The following SCFD2 variants were observed in gnomAD, a reference collection of about 807,000 sequenced individuals.
SCFD2 encodes sec1 family domain-containing protein 2.
SCFD2 carries 54 observed loss-of-function variants against 58.9 expected under a neutral mutation model. That is an observed-to-expected ratio of 0.92 (90% CI 0.74 to 1.15). SCFD2 has a LOEUF of 1.15. SCFD2 is among the 50% of genes most tolerant of loss of function. The pLI, the probability that SCFD2 is intolerant of heterozygous loss-of-function variation, is 0.00. For synonymous variants in SCFD2, 321 were observed against 335.9 expected (o/e 0.96, Z 0.49); for missense variants, 805 against 836.6 (o/e 0.96, Z 0.47).
At chr4:53,258,161 T>C (rs1015394955) in intron 4 of SCFD2, among the ~76,000 whole-genome samples, 1 of 152,214 alleles carries the variant, frequency 6.6e-6, no homozygotes, top group Non-Finnish European at 1.5e-5. Flanking sequence ...GTTTTGTCAA[T>C]GACTTTTTTT....
chr4:52,937,055 T>C (rs1330763612), intron 5 of SCFD2, among the ~76,000 whole-genome samples: 1 of 152,224 alleles, frequency 6.6e-6, no homozygotes, highest in African/African-American at 2.4e-5. Context: ...TAGAGGTAAG[T>C]GCTTACAAGA....
At chr4:52,972,840 A>G (rs545094865) in intron 5 of SCFD2, among the ~76,000 whole-genome samples, 10 of 152,340 alleles carry the variant, frequency 6.6e-5, no homozygotes, top group Admixed American at 6.5e-4. Flanking sequence ...GTGCAATCAA[A>G]CTAGAACTCA....
At chr4:53,076,939 C>A (rs1294322959) in intron 5 of SCFD2, among the ~76,000 whole-genome samples, 2 of 152,172 alleles carry the variant, frequency 1.3e-5, no homozygotes, top group African/African-American at 4.8e-5. Flanking sequence ...ATATTGCTCA[C>A]TCAAAGTATG....
chr4:52,992,356 T>C (rs1008719303), intron 5 of SCFD2, among the ~76,000 whole-genome samples: 23 of 152,180 alleles, frequency 1.5e-4, no homozygotes, highest in Non-Finnish European at 2.9e-5. Flanking sequence ...TGGAGTGCAG[T>C]GGCGTGATCT....
At chr4:53,185,929 A>C (rs1727724027) in intron 4 of SCFD2, among the ~76,000 whole-genome samples, 1 of 152,146 alleles carries the variant, frequency 6.6e-6, no homozygotes, top group African/African-American at 2.4e-5. Flanking sequence ...GAAATGTACA[A>C]TTCAGCAACT....
intron 5 of SCFD2, among the ~76,000 whole-genome samples, chr4:52,985,851 A>G (rs1286901715): frequency 1.3e-5 from 2 of 151,794 alleles, no homozygotes; most frequent in Non-Finnish European, 2.9e-5. Context: ...ACAAAGCCCT[A>G]CATGTACTAG....
At chr4:53,105,211 C>T (rs989703685) in intron 5 of SCFD2, among the ~76,000 whole-genome samples, 2 of 152,100 alleles carry the variant, frequency 1.3e-5, no homozygotes, top group East Asian at 1.9e-4. Flanking sequence ...GATTCACTTC[C>T]GTGCCTACAC....
chr4:52,970,106 G>C (rs1203883592), intron 5 of SCFD2, among the ~76,000 whole-genome samples: 2 of 152,182 alleles, frequency 1.3e-5, no homozygotes, highest in Non-Finnish European at 2.9e-5. Flanking sequence ...CAGAAGACAG[G>C]TGATTTCTTC....
intron 7 of SCFD2, among the ~76,000 whole-genome samples, chr4:52,902,001 G>C (rs557810742): frequency 6.6e-6 from 1 of 152,340 alleles, no homozygotes; most frequent in Admixed American, 6.5e-5. Context: ...TACCTGGAAT[G>C]GAGGTCTCCA....
intron 4 of SCFD2, among the ~76,000 whole-genome samples, chr4:53,261,715 T>C (rs1245750171): frequency 6.6e-6 from 1 of 152,204 alleles, no homozygotes; most frequent in East Asian, 1.9e-4. Flanking sequence ...GGATAGAATG[T>C]TCTGTAAATA....
intron 5 of SCFD2, among the ~76,000 whole-genome samples, chr4:53,019,127 T>C (rs1722284925): frequency 6.6e-6 from 1 of 152,186 alleles, no homozygotes; most frequent in South Asian, 2.1e-4. Flanking sequence ...AGTAATTCCA[T>C]TTCTAAGACT....
chr4:52,942,150 T>TG (rs1191247816), intron 5 of SCFD2, among the ~76,000 whole-genome samples: 1 of 152,090 alleles, frequency 6.6e-6, no homozygotes, highest in Non-Finnish European at 1.5e-5. Context: ...ATACAGAAAG[T>TG]GGAGGAAAAG....
rs370049326 is a variant in SCFD2 at position 53,218,029 on chromosome 4, C to T, written c.1311+55797G>A. Reference sequence around the variant, plus strand: ...AGAGATCTGCTGTTACTCTGTTGGGCTTCCCTTTGTGGGTAACCCGACCTT... The same window carrying T: ...AGAGATCTGCTGTTACTCTGTTGGGTTTCCCTTTGTGGGTAACCCGACCTT... On this transcript the variant is annotated intron_variant, in intron 4 of 8. Transcript: ENST00000401642. Among the ~76,000 whole-genome samples the T allele has an allele frequency of 9.8e-5, 15 of 152,332 alleles. No individual in the cohort carries two copies. The East Asian group carries it at 2.1e-3, about 22-fold the overall frequency.
chr4:53,321,406 A>T (rs1022214729), intron 2 of SCFD2, among the ~76,000 whole-genome samples: 1 of 152,050 alleles, frequency 6.6e-6, no homozygotes, highest in African/African-American at 2.4e-5. Flanking sequence ...TGATACTTCA[A>T]TCAAGTAGAA....
At chr4:53,333,703 G>C (rs1733577467) in intron 2 of SCFD2, among the ~76,000 whole-genome samples, 1 of 125,382 alleles carries the variant, frequency 8.0e-6, no homozygotes, top group Non-Finnish European at 1.7e-5. Context: ...AGGACTTCAT[G>C]TCTAAAACAC....
chr4:53,344,843 C>T (rs567641180), intron 2 of SCFD2, among the ~76,000 whole-genome samples: 60 of 152,154 alleles, frequency 3.9e-4, no homozygotes, highest in East Asian at 9.7e-4. Context: ...AAACAAGCAA[C>T]GGGGAAAGGA....
chr4:52,879,488 A>G (rs552961123), intron 8 of SCFD2, among the ~76,000 whole-genome samples: 1 of 152,346 alleles, frequency 6.6e-6, no homozygotes, highest in African/African-American at 2.4e-5. Flanking sequence ...ATTCACCAAC[A>G]GCAAGCCTCT....
intron 3 of SCFD2, among the ~76,000 whole-genome samples, chr4:53,302,477 C>T (rs1577949850): frequency 6.6e-6 from 1 of 152,158 alleles, no homozygotes; most frequent in African/African-American, 2.4e-5. Flanking sequence ...AAGAACATTC[C>T]ATGCTCATGG....
intron 5 of SCFD2, among the ~76,000 whole-genome samples, chr4:53,055,700 T>C (rs1343088227): frequency 1.3e-5 from 2 of 152,150 alleles, no homozygotes; most frequent in Non-Finnish European, 2.9e-5. Context: ...AGTCTTATGA[T>C]GGGTACATGG....
Sources: gnomAD v4.1 joint callset for allele counts (sites outside exome capture counted in the v4.1 genomes callset) on GRCh38, gnomAD v4.1.1 for gene constraint, MANE v1.5 for transcripts, NCBI Gene and HGNC (gene_info 2026-07-23, HGNC 2026-07-21) for gene names.